ADAMTSL1: variants seen among roughly 807,000 people sequenced by gnomAD.
ADAMTSL1 encodes the protein ADAMTS-like protein 1.
In ADAMTSL1, 126 loss-of-function variants were observed where a neutral mutation model predicts 201.8. That is an observed-to-expected ratio of 0.62 (90% CI 0.54 to 0.72). The LOEUF is 0.72. ADAMTSL1 is among the 30% of genes least tolerant of loss of function. ADAMTSL1 has a pLI of 0.00. For synonymous variants in ADAMTSL1, 1,121 were observed against 903.4 expected (o/e 1.24, Z -4.32); for missense variants, 2,679 against 2,277.8 (o/e 1.18, Z -3.59).
chr9:18,632,052 C>T (rs929936480), intron 5 of ADAMTSL1, among the ~76,000 whole-genome samples: 1 of 152,172 alleles, frequency 6.6e-6, no homozygotes, highest in Non-Finnish European at 1.5e-5. Context: ...GAGGAATGTG[C>T]AGCACGGTGG....
At chr9:18,013,995 G>A (rs1001975559) in intron 1 of ADAMTSL1, among the ~76,000 whole-genome samples, 4 of 152,050 alleles carry the variant, frequency 2.6e-5, no homozygotes, top group Non-Finnish European at 2.9e-5. Flanking sequence ...TGTTCCCTCA[G>A]AAGGTTTTCT....
intron 2 of ADAMTSL1, among the ~76,000 whole-genome samples, chr9:18,278,575 T>G (rs1490790840): frequency 1.3e-5 from 2 of 152,210 alleles, no homozygotes; most frequent in Non-Finnish European, 2.9e-5. Flanking sequence ...CTTGCTACTT[T>G]CCAAATTCTC....
At chr9:17,967,103 G>C (rs559727493) in intron 1 of ADAMTSL1, among the ~76,000 whole-genome samples, 1 of 152,112 alleles carries the variant, frequency 6.6e-6, no homozygotes, top group Admixed American at 6.6e-5. Flanking sequence ...TATATAATAT[G>C]GGCACTAAAG....
intron 2 of ADAMTSL1, among the ~76,000 whole-genome samples, chr9:18,192,178 T>G (rs1828998342): frequency 6.6e-6 from 1 of 152,176 alleles, no homozygotes; most frequent in Non-Finnish European, 1.5e-5. Context: ...TTGCAATGAC[T>G]TATTATATTT....
chr9:18,681,697 T>TGTTTGGG, intron 11 of ADAMTSL1, 115 bp from the exon 12 acceptor site: 1 of 238,092 alleles, frequency 4.2e-6, no homozygotes, highest in Non-Finnish European at 6.6e-6. Context: ...AGTCCTCGTG[T>TGTTTGGG]GGGGGGGGGG....
chr9:18,395,062 A>G (rs1054692124), intron 2 of ADAMTSL1, among the ~76,000 whole-genome samples: 3 of 152,192 alleles, frequency 2.0e-5, no homozygotes, highest in African/African-American at 7.2e-5. Flanking sequence ...CTTGGTAAAT[A>G]GTGCATTTTT....
At chr9:18,315,217 A>C (rs1414845757) in intron 2 of ADAMTSL1, among the ~76,000 whole-genome samples, 2 of 152,056 alleles carry the variant, frequency 1.3e-5, no homozygotes, top group Non-Finnish European at 2.9e-5. Context: ...ACAAATCTTG[A>C]GCTAGACACG....
At chr9:18,572,933 G>A (rs1822434907) in intron 3 of ADAMTSL1, among the ~76,000 whole-genome samples, 1 of 152,152 alleles carries the variant, frequency 6.6e-6, no homozygotes, top group Non-Finnish European at 1.5e-5. Flanking sequence ...ATTTTAATCT[G>A]AAGGCTTGTA....
chr9:18,330,814 A>T (rs572277804), intron 2 of ADAMTSL1, among the ~76,000 whole-genome samples: 1 of 152,164 alleles, frequency 6.6e-6, no homozygotes, highest in Non-Finnish European at 1.5e-5. Flanking sequence ...TTTACAAAAC[A>T]CATGGCTTTT....
At chr9:18,153,586 G>A (rs923245286) in intron 1 of ADAMTSL1, among the ~76,000 whole-genome samples, 2 of 151,972 alleles carry the variant, frequency 1.3e-5, no homozygotes, top group African/African-American at 2.4e-5. Context: ...TCAATGCAGG[G>A]AAGAATGGGT....
intron 23 of ADAMTSL1, among the ~76,000 whole-genome samples, chr9:18,864,301 A>G (rs1362944211): frequency 6.6e-6 from 1 of 152,178 alleles, no homozygotes; most frequent in African/African-American, 2.4e-5. Context: ...AGGAGAAAAA[A>G]CGTGCACTCA....
rs111670826 is a variant in ADAMTSL1 at position 18,622,835 on chromosome 9, G to C, written c.601+466G>C. 1.9e-3 allele frequency among the ~76,000 whole-genome samples: 284 copies of C among 152,246 alleles called. 4 individuals carry two copies. The highest frequency in any genetic ancestry group is 6.7e-3 in the African/African-American group (278 of 41,552). ...AACAAGTCCTTTCAGAATTAATGTA[G>C]GGCAGTGATTACGTGACGTTTTGGA... On this transcript the variant is annotated intron_variant, in intron 5 of 28. Transcript: ENST00000380548.
chr9:17,990,516 T>C (rs1271597677), intron 1 of ADAMTSL1, among the ~76,000 whole-genome samples: 2 of 152,090 alleles, frequency 1.3e-5, no homozygotes, highest in African/African-American at 2.4e-5. Flanking sequence ...TTTTCACCTT[T>C]TCTTAACAGT....
chr9:18,551,013 A>C (rs34253990), intron 3 of ADAMTSL1, among the ~76,000 whole-genome samples: 36,567 of 151,790 alleles, frequency 0.24, 5,101 homozygotes, highest in Admixed American at 0.35. Flanking sequence ...ATAGCTTCCA[A>C]ACTAACAGAG....
chr9:18,853,282 G>A (rs552709875), intron 23 of ADAMTSL1, among the ~76,000 whole-genome samples: 1 of 152,318 alleles, frequency 6.6e-6, no homozygotes, highest in East Asian at 1.9e-4. Context: ...TAAGACAGGG[G>A]CATTGCAGAG....
At chr9:18,490,435 G>A (rs1337667202) in intron 1 of ADAMTSL1, among the ~76,000 whole-genome samples, 1 of 152,084 alleles carries the variant, frequency 6.6e-6, no homozygotes, top group Non-Finnish European at 1.5e-5. Flanking sequence ...TATGCTAGGG[G>A]GAAAGACTGC....
At chr9:18,346,174 A>G (rs554558433) in intron 2 of ADAMTSL1, among the ~76,000 whole-genome samples, 1 of 152,300 alleles carries the variant, frequency 6.6e-6, no homozygotes. Flanking sequence ...ACAAACATGA[A>G]TCCCTACAAT....
intron 1 of ADAMTSL1, among the ~76,000 whole-genome samples, chr9:18,001,653 C>A (rs1819615219): frequency 6.6e-6 from 1 of 151,840 alleles, no homozygotes; most frequent in African/African-American, 2.4e-5. Context: ...AAGGGCATTC[C>A]AGGAAGAGAG....
intron 2 of ADAMTSL1, among the ~76,000 whole-genome samples, chr9:18,258,270 C>T (rs767245303): frequency 3.9e-5 from 6 of 151,992 alleles, no homozygotes; most frequent in Admixed American, 6.6e-5. Flanking sequence ...AAACAAGATG[C>T]GTACGCAAGA....
Sources: allele counts gnomAD v4.1 joint callset (sites outside exome capture counted in the v4.1 genomes callset), GRCh38; gene constraint gnomAD v4.1.1; transcripts MANE v1.5; gene names NCBI Gene and HGNC (gene_info 2026-07-23, HGNC 2026-07-21).